Variants in MYT1L observed in about 807,000 individuals in gnomAD.
MYT1L encodes myelin transcription factor 1-like protein.
In MYT1L, 12 loss-of-function variants were observed where a neutral mutation model predicts 126.7. That is an observed-to-expected ratio of 0.09 (90% CI 0.06 to 0.15). The LOEUF (loss-of-function observed/expected upper bound fraction) is 0.15, where lower values mean the gene tolerates loss of function less well. Among genes scored for constraint, MYT1L ranks in the 10% least tolerant of loss-of-function variants. MYT1L has a pLI of 1.00. For missense variants in MYT1L, 979 were observed against 1,585.2 expected (o/e 0.62, Z 6.49); for synonymous variants, 541 against 604.2 (o/e 0.90, Z 1.53).
intron 8 of MYT1L, among the ~76,000 whole-genome samples, chr2:1,955,164 C>T (rs905169803): frequency 1.3e-5 from 2 of 150,036 alleles, no homozygotes; most frequent in Non-Finnish European, 3.0e-5. Flanking sequence ...AAATATGATT[C>T]TACGAGCTAC....
At chr2:2,058,329 G>C (rs902060982) in intron 3 of MYT1L, among the ~76,000 whole-genome samples, 1 of 152,070 alleles carries the variant, frequency 6.6e-6, no homozygotes, top group Non-Finnish European at 1.5e-5. Context: ...CTAGTTCTTT[G>C]ATGAATATTT....
chr2:2,234,000 A>ATAC (rs2094222300), intron 2 of MYT1L, among the ~76,000 whole-genome samples: 2 of 152,358 alleles, frequency 1.3e-5, no homozygotes, highest in African/African-American at 4.8e-5. Flanking sequence ...TAGCTCTTAG[A>ATAC]TAAGTCCATG....
Position 1,943,222 on chromosome 2 carries a change from C to T in MYT1L, c.265G>A (p.Glu89Lys). The change falls in exon 9 of 25, where the codon GAG (glutamate) becomes AAG (lysine). Residue 89 changes from glutamate (E) to lysine (K), a missense_variant. This residue lies in a region of MYT1L where 111 missense variants were observed against 115.9 expected (regional missense o/e 0.96). Transcript: ENST00000647738. The surrounding 1 kb of genome is among the most constrained non-coding windows in gnomAD (Gnocchi z 4.4). Reference sequence around the variant, plus strand: ...TCAGTCCCATCACTGTCGTCACACTCATCCACTGAGGAGCTGTCTGCTTTC... The same window carrying T: ...TCAGTCCCATCACTGTCGTCACACTTATCCACTGAGGAGCTGTCTGCTTTC... ...AVKADSSSVDECDDSDGTEDM... is the reference protein window; with the variant it reads ...AVKADSSSVDKCDDSDGTEDM... 1 of 1,552,738 alleles carries T rather than the reference C, an allele frequency of 6.4e-7. No individual in the cohort carries two copies. Among genetic ancestry groups the T allele is most frequent in the Non-Finnish European group, 8.7e-7 (1 of 1,147,426 alleles).
chr2:2,114,212 T>A (rs981886473), intron 3 of MYT1L, among the ~76,000 whole-genome samples: 7 of 152,248 alleles, frequency 4.6e-5, no homozygotes, highest in Non-Finnish European at 1.0e-4. Context: ...AATGTGGTGC[T>A]ATTTCCTGGT....
intron 10 of MYT1L, among the ~76,000 whole-genome samples, chr2:1,921,660 T>C (rs544480480): frequency 6.6e-6 from 1 of 152,356 alleles, no homozygotes; most frequent in African/African-American, 2.4e-5. Context: ...GCTATTGATC[T>C]TAGCTGAGGC....
chr2:1,897,852 GT>G (rs1277201226), intron 14 of MYT1L, among the ~76,000 whole-genome samples: 1 of 152,144 alleles, frequency 6.6e-6, no homozygotes, highest in Non-Finnish European at 1.5e-5. Flanking sequence ...ATCACTGTAT[GT>G]TACGAGCAAT....
intron 21 of MYT1L, among the ~76,000 whole-genome samples, chr2:1,838,630 G>T (rs1366849725): frequency 6.6e-6 from 1 of 152,184 alleles, no homozygotes; most frequent in African/African-American, 2.4e-5. Flanking sequence ...TGACTGCACA[G>T]AACGGGCCTC....
rs79579717 is a variant in MYT1L, at chr2:1,906,429, C to T, written c.1818-3135G>A. Among the ~76,000 whole-genome samples, 3 of 152,000 alleles carry T rather than the reference C, an allele frequency of 2.0e-5. No individual in the cohort carries two copies. The South Asian group carries it at 6.2e-4, about 32-fold the overall frequency. On this transcript the variant is annotated intron_variant, in intron 13 of 24. Transcript: ENST00000647738. ...TAATAGGCATCCATGTAGATAATGT[C>T]TTTTTACTCTGATTATTTCATAAAT... is the stretch of plus-strand genomic sequence containing the variant.
intron 18 of MYT1L, among the ~76,000 whole-genome samples, chr2:1,882,510 G>T (rs2047692856): frequency 6.6e-6 from 1 of 152,216 alleles, no homozygotes; most frequent in Non-Finnish European, 1.5e-5. Flanking sequence ...TGTCCTAAAA[G>T]AGCTGAATTT....
chr2:1,972,924 A>G (rs1574117904), intron 8 of MYT1L, among the ~76,000 whole-genome samples: 1 of 152,246 alleles, frequency 6.6e-6, no homozygotes, highest in South Asian at 2.1e-4. Context: ...ATTTGAATGT[A>G]CTACCAATAC....
At chr2:1,947,093 C>T (rs1196547562) in intron 8 of MYT1L, among the ~76,000 whole-genome samples, 1 of 152,162 alleles carries the variant, frequency 6.6e-6, no homozygotes, top group Non-Finnish European at 1.5e-5. Flanking sequence ...ACCTGCACAG[C>T]ACCATTCACT....
At chr2:2,265,780 A>G (rs2095112528) in intron 2 of MYT1L, among the ~76,000 whole-genome samples, 1 of 152,220 alleles carries the variant, frequency 6.6e-6, no homozygotes, top group Admixed American at 6.5e-5. Flanking sequence ...CACGGTACAT[A>G]GCAAGTAATG....
intron 4 of MYT1L, among the ~76,000 whole-genome samples, chr2:2,006,119 C>T (rs371149570): frequency 7.9e-5 from 12 of 152,256 alleles, no homozygotes; most frequent in African/African-American, 2.2e-4. Flanking sequence ...TTCCTCCATG[C>T]GTTGTTTCCT....
chr2:2,109,456 G>T (rs908418728), intron 3 of MYT1L, among the ~76,000 whole-genome samples: 1 of 151,982 alleles, frequency 6.6e-6, no homozygotes, highest in African/African-American at 2.4e-5. Flanking sequence ...GAAAGGGATG[G>T]AATGTCGCAG....
At chr2:2,329,695 T>G (rs1489185185) in intron 1 of MYT1L, among the ~76,000 whole-genome samples, 1 of 152,164 alleles carries the variant, frequency 6.6e-6, no homozygotes, top group East Asian at 1.9e-4. Flanking sequence ...GTTTTCAAAG[T>G]GCAATCAAGT....
At chr2:2,022,999 T>C (rs1428675841) in intron 4 of MYT1L, among the ~76,000 whole-genome samples, 1 of 152,212 alleles carries the variant, frequency 6.6e-6, no homozygotes, top group Admixed American at 6.5e-5. Flanking sequence ...TTCTTCACCA[T>C]CTAGGAAAGA....
intron 3 of MYT1L, among the ~76,000 whole-genome samples, chr2:2,127,840 T>C (rs1055208992): frequency 2.0e-5 from 3 of 152,300 alleles, no homozygotes; most frequent in Middle Eastern, 3.4e-3. Flanking sequence ...TGCCGAATAA[T>C]GTAATCAGAA....
chr2:1,921,653 A>G (rs554739367), intron 10 of MYT1L, among the ~76,000 whole-genome samples: 7 of 152,226 alleles, frequency 4.6e-5, no homozygotes, highest in Non-Finnish European at 7.3e-5. Flanking sequence ...AGAAATTGCT[A>G]TTGATCTTAG....
chr2:2,068,252 A>G (rs910258751), intron 3 of MYT1L, among the ~76,000 whole-genome samples: 1 of 152,138 alleles, frequency 6.6e-6, no homozygotes, highest in Non-Finnish European at 1.5e-5. Flanking sequence ...GCAGAGCCCT[A>G]CTTGCACACA....
Sources: gnomAD v4.1 joint callset for allele counts (sites outside exome capture counted in the v4.1 genomes callset) on GRCh38, gnomAD v4.1.1 for gene constraint, gnomAD v4.1.1 regional missense constraint, Gnocchi (gnomAD v3.1) non-coding constraint, MANE v1.5 for transcripts, NCBI Gene and HGNC (gene_info 2026-07-23, HGNC 2026-07-21) for gene names.